The following PHAX variants were observed in gnomAD, a reference collection of about 807,000 sequenced individuals.
PHAX encodes the protein phosphorylated adaptor for RNA export.
In PHAX, 31 loss-of-function variants were observed where a neutral mutation model predicts 41.6. The observed-to-expected ratio is 0.75, with a 90% CI of 0.56 to 1.01. The LOEUF is 1.01. Among genes scored for constraint, PHAX ranks in the 50% least tolerant of loss-of-function variants. The pLI is 0.00. For synonymous variants in PHAX, 175 were observed against 164.9 expected, an observed-to-expected ratio of 1.06 and a Z score of -0.47; for missense variants, 453 against 472.9, an observed-to-expected ratio of 0.96 and a Z score of 0.39.
At chr5:126,601,250 C>G (rs1323222676) in intron 1 of PHAX, among the ~76,000 whole-genome samples, 192 bp downstream of exon 1, 2 of 151,990 alleles carry the variant, frequency 1.3e-5, no homozygotes, top group Non-Finnish European at 2.9e-5. Flanking sequence ...GGAGCCCGGG[C>G]TGCGGGGGCC....
chr5:126,611,777 C>T (rs994990835), intron 3 of PHAX, among the ~76,000 whole-genome samples: 5 of 145,986 alleles, frequency 3.4e-5, no homozygotes, highest in South Asian at 2.1e-4. Flanking sequence ...GGTGACAGAG[C>T]GAGACCCTGT....
At position 126,617,273 on chromosome 5, in the gene PHAX, A is replaced by C. The variant is rs775324015; in HGVS notation, c.855A>C (p.Pro285=). The part of the protein sequence containing the change: ...FIMNGSRRRT[P]GGVFLNLLKN... ...AGAATGGTAGTCGAAGAAGAACACC[A>C]GGTGGAGTTTTTCTGAATCTCTTGA... Residue 285 remains proline, a synonymous_variant, in exon 4 of 5, where the codon CCA becomes CCC. Coordinates refer to ENST00000297540, the MANE Select transcript of PHAX (RefSeq NM_032177.4). 3 of 1,611,418 alleles carry C rather than the reference A, an allele frequency of 1.9e-6. No homozygotes were observed. The highest frequency in any genetic ancestry group is 2.5e-6 in the Non-Finnish European group (3 of 1,178,028).
chr5:126,620,974 G>C (rs1752260802), intron 4 of PHAX, among the ~76,000 whole-genome samples: 1 of 152,110 alleles, frequency 6.6e-6, no homozygotes, highest in African/African-American at 2.4e-5. Context: ...GACTTCAGGT[G>C]ATCCACCCTC....
chr5:126,602,770 C>G (rs1460721442), intron 1 of PHAX, among the ~76,000 whole-genome samples: 1 of 151,918 alleles, frequency 6.6e-6, no homozygotes, highest in Non-Finnish European at 1.5e-5. Context: ...TTTGGGAGGC[C>G]GAGGCGGGTG....
intron 3 of PHAX, among the ~76,000 whole-genome samples, chr5:126,617,019 T>A (rs897043047): frequency 1.7e-4 from 26 of 152,182 alleles, no homozygotes; most frequent in African/African-American, 6.0e-4. Context: ...AATCACGGAA[T>A]TTCAGAATTA....
rs1362598973 is a variant in PHAX, at chr5:126,617,321, G to C, written c.903G>C (p.Glu301Asp). ...NLLKNTPSIS[E>D]EQIKDIFYIE... ...TGAAAAACACTCCTAGTATCAGCGA[G>C]GAACAAATTAAGGTAATGATAATGT... Residue 301 changes from glutamate to aspartate, a missense_variant, in exon 4 of 5, where the codon GAG (glutamate) becomes GAC (aspartate). Glu to Asp is a conservative substitution (Grantham distance 45). Transcript: ENST00000297540. The C allele has an allele frequency of 6.2e-7, 1 of 1,603,938 alleles. No individual in the cohort carries two copies. The highest frequency in any genetic ancestry group is 1.7e-5 in the Admixed American group (1 of 59,604).
At chr5:126,605,178 T>G (rs1448408432) in intron 2 of PHAX, among the ~76,000 whole-genome samples, 1 of 152,010 alleles carries the variant, frequency 6.6e-6, no homozygotes, top group African/African-American at 2.4e-5. Context: ...TTTTTTTTTT[T>G]TTTAAGAGAT....
chr5:126,615,060 T>C (rs1752163212), intron 3 of PHAX, among the ~76,000 whole-genome samples: 1 of 152,036 alleles, frequency 6.6e-6, no homozygotes, highest in South Asian at 2.1e-4. Context: ...CCTAACACAC[T>C]TGTTTTTACA....
At chr5:126,606,306 A>G (rs367976249) in intron 2 of PHAX, among the ~76,000 whole-genome samples, 2 of 149,748 alleles carry the variant, frequency 1.3e-5, no homozygotes, top group South Asian at 4.3e-4. Context: ...AGCAATTCTC[A>G]TGCCTCAGCC....
intron 3 of PHAX, among the ~76,000 whole-genome samples, chr5:126,611,042 C>T (rs13172500): frequency 0.25 from 35,554 of 141,930 alleles, 5,108 homozygotes; most frequent in African/African-American, 0.43. Flanking sequence ...TGTTTTTTTT[C>T]TTTTCGTTTG....
intron 4 of PHAX, among the ~76,000 whole-genome samples, chr5:126,623,269 A>G (rs994831106): frequency 6.6e-6 from 1 of 152,198 alleles, no homozygotes; most frequent in African/African-American, 2.4e-5. Context: ...CTTGGGTGAC[A>G]GCGAGGCCCC....
intron 4 of PHAX, among the ~76,000 whole-genome samples, chr5:126,620,937 T>C (rs2112837969): frequency 6.6e-6 from 1 of 152,250 alleles, no homozygotes; most frequent in South Asian, 2.1e-4. Flanking sequence ...GGTTTCACCA[T>C]GTTGTCTGGG....
chr5:126,608,950 AATAAAAAG>A (rs1263216936), intron 3 of PHAX, among the ~76,000 whole-genome samples: 21 of 136,830 alleles, frequency 1.5e-4, no homozygotes, highest in African/African-American at 6.5e-4. Flanking sequence ...AAAAAAAAAG[AATAAAAAG>A]AAAAAAAAAT....
rs1358113041 is a variant in PHAX at position 126,611,752 on chromosome 5, C to T, written c.831+3268C>T. On this transcript the variant is annotated intron_variant, in intron 3 of 4. Transcript: ENST00000297540. Reference sequence around the variant, plus strand: ...GCTGCAGTGAACTGTAATCGTGCCACTGCGCTCCAGCTTGGGTGACAGAGC... The same window carrying T: ...GCTGCAGTGAACTGTAATCGTGCCATTGCGCTCCAGCTTGGGTGACAGAGC... Among the ~76,000 whole-genome samples the T allele has an allele frequency of 3.3e-5, 5 of 150,510 alleles. No individual in the cohort carries two copies. In the South Asian group the frequency reaches 1.0e-3, roughly 31 times the overall value.
At chr5:126,602,332 C>A (rs1384907321) in intron 1 of PHAX, among the ~76,000 whole-genome samples, 32 of 152,258 alleles carry the variant, frequency 2.1e-4, no homozygotes. Flanking sequence ...TGCCAGGCTG[C>A]CTGTGTTCAG....
In PHAX at chr5:126,603,914, A is replaced by G; in HGVS notation, c.441A>G (p.Arg147=). ...TGGAGGGCACTATTGACAGAAGCAGACAATCCGAGACCTACAATTATTTGC... is the reference window on the plus strand; with the variant it reads ...TGGAGGGCACTATTGACAGAAGCAGGCAATCCGAGACCTACAATTATTTGC... The part of the protein sequence containing the change: ...LGMEGTIDRS[R]QSETYNYLLA... Residue 147 remains arginine, a synonymous_variant, in exon 2 of 5, where the codon AGA becomes AGG. Coordinates refer to ENST00000297540, the MANE Select transcript of PHAX (RefSeq NM_032177.4). 2 of 1,613,576 alleles carry G rather than the reference A, an allele frequency of 1.2e-6. No individual in the cohort carries two copies. The highest frequency in any genetic ancestry group is 1.7e-6 in the Non-Finnish European group (2 of 1,179,866).
At chr5:126,611,406 C>A (rs1484881719) in intron 3 of PHAX, among the ~76,000 whole-genome samples, 1 of 152,106 alleles carries the variant, frequency 6.6e-6, no homozygotes, top group Non-Finnish European at 1.5e-5. Flanking sequence ...GTGCTTTCTA[C>A]GTGCCAGGCA....
chr5:126,608,425 G>A lies in PHAX; in HGVS notation c.772G>A (p.Ala258Thr). The A allele has an allele frequency of 1.2e-6, 2 of 1,613,890 alleles. No homozygotes were observed. The highest frequency in any genetic ancestry group is 1.7e-6 in the Non-Finnish European group (2 of 1,179,836). ...AGTGAGGATTATTGGTAACAAAAAG[G>A]CAATTGAACTTCTGATGGAAACCGC... The part of the protein sequence containing the change: ...RVVRIIGNKK[A>T]IELLMETAEV... The change falls in exon 3 of 5, where the codon GCA becomes ACA. Residue 258 changes from alanine to threonine, a missense_variant. Physicochemically the swap from Ala to Thr is moderately conservative, Grantham distance 58. Transcript: ENST00000297540.
intron 1 of PHAX, among the ~76,000 whole-genome samples, chr5:126,602,133 G>T (rs1751913838): frequency 6.6e-6 from 1 of 151,972 alleles, no homozygotes; most frequent in Non-Finnish European, 1.5e-5. Context: ...TTTTAGTAGA[G>T]ACGGGGGTTC....
Sources: gnomAD v4.1 joint callset for allele counts (sites outside exome capture counted in the v4.1 genomes callset) on GRCh38, gnomAD v4.1.1 for gene constraint, MANE v1.5 for transcripts, NCBI Gene and HGNC (gene_info 2026-07-23, HGNC 2026-07-21) for gene names.